USH2A: variants seen among roughly 807,000 people sequenced by gnomAD.
USH2A encodes the protein Usher syndrome 2A (autosomal recessive, mild).
In USH2A, 443 loss-of-function variants were observed where a neutral mutation model predicts 538.9. The ratio of observed to expected loss-of-function variants is 0.82; its 90% CI spans 0.76 to 0.89. The LOEUF is 0.89. Among genes scored for constraint, USH2A ranks in the 40% least tolerant of loss-of-function variants. The pLI, the probability that USH2A is intolerant of heterozygous loss-of-function variation, is 0.00. For synonymous variants in USH2A, 2,413 were observed against 2,273.5 expected (o/e 1.06, Z -1.75); for missense variants, 6,633 against 6,324.8 (o/e 1.05, Z -1.65).
At chr1:216,258,004 T>G (rs2036291618) in intron 11 of USH2A, among the ~76,000 whole-genome samples, 2 of 152,096 alleles carry the variant, frequency 1.3e-5, no homozygotes, top group South Asian at 4.1e-4. Flanking sequence ...CTAACATTTC[T>G]CACAATTCTG....
At chr1:215,678,996 C>A (rs192785093) in intron 62 of USH2A, among the ~76,000 whole-genome samples, 12 of 152,108 alleles carry the variant, frequency 7.9e-5, no homozygotes, top group African/African-American at 2.7e-4. Flanking sequence ...GCCTTGGGGC[C>A]GTGATTTGGA....
At chr1:215,973,573 T>C (rs1408322140) in intron 35 of USH2A, among the ~76,000 whole-genome samples, 1 of 152,064 alleles carries the variant, frequency 6.6e-6, no homozygotes, top group African/African-American at 2.4e-5. Context: ...TGACTGCACC[T>C]TACCAATTCT....
At chr1:216,361,863 A>C (rs748206497) in intron 4 of USH2A, among the ~76,000 whole-genome samples, 50 of 152,248 alleles carry the variant, frequency 3.3e-4, no homozygotes, top group Admixed American at 9.2e-4. Flanking sequence ...AGTGCTAAGC[A>C]AAAAGAACAC....
intron 29 of USH2A, chr1:216,072,533 T>C (rs754552785): frequency 8.5e-5 from 29 of 341,774 alleles, no homozygotes; most frequent in Non-Finnish European, 1.3e-4. Context: ...AGGATAATCC[T>C]AATCCCTGAC....
At chr1:216,144,411 C>T (rs1476891900) in intron 21 of USH2A, among the ~76,000 whole-genome samples, 1 of 150,968 alleles carries the variant, frequency 6.6e-6, no homozygotes. Context: ...ATATACAGAA[C>T]CAAGTTAAAC....
intron 31 of USH2A, among the ~76,000 whole-genome samples, chr1:216,047,961 A>C (rs2030594190): frequency 6.6e-6 from 1 of 152,176 alleles, no homozygotes. Context: ...GCTTTCTGAA[A>C]CCTTAATTTA....
At chr1:215,628,061 C>T (rs576165940) in intron 71 of USH2A, among the ~76,000 whole-genome samples, 25 of 152,214 alleles carry the variant, frequency 1.6e-4, no homozygotes, top group African/African-American at 5.1e-4. Flanking sequence ...TAGTAACACC[C>T]TCATTTGTCA....
intron 61 of USH2A, among the ~76,000 whole-genome samples, chr1:215,701,753 G>A (rs188690972): frequency 6.6e-6 from 1 of 152,034 alleles, no homozygotes; most frequent in Non-Finnish European, 1.5e-5. Context: ...CACACTGATG[G>A]GTCTTGTCTC....
intron 16 of USH2A, among the ~76,000 whole-genome samples, chr1:216,205,483 A>G (rs1452540545): frequency 2.0e-5 from 3 of 152,220 alleles, no homozygotes; most frequent in Non-Finnish European, 4.4e-5. Context: ...AGGGGTGGAC[A>G]TAAGAAACTA....
chr1:215,743,386 A>ATATATATATATATATATATATATATATG (rs878870284), intron 58 of USH2A, 51 bp from the exon 59 acceptor site: 1 of 310,006 alleles, frequency 3.2e-6, no homozygotes, highest in Non-Finnish European at 5.4e-6. Context: ...ATATATATAT[A>ATATATATATATATATATATATATATATG]TGTGTGTGTG....
intron 16 of USH2A, 104 bp downstream of exon 16, chr1:216,207,169 C>T (rs1161801412): frequency 7.2e-7 from 1 of 1,393,782 alleles, no homozygotes; most frequent in African/African-American, 1.4e-5. Context: ...CACTCTGTGC[C>T]AGACAGAGGA....
chr1:215,969,300 T>C (rs1227001613), intron 36 of USH2A, among the ~76,000 whole-genome samples: 1 of 152,168 alleles, frequency 6.6e-6, no homozygotes. Context: ...CATGGCAGAC[T>C]AGGTTTTACA....
chr1:216,224,089 C>A (rs903730054), intron 14 of USH2A, among the ~76,000 whole-genome samples: 12 of 152,136 alleles, frequency 7.9e-5, no homozygotes, highest in Admixed American at 7.9e-4. Context: ...ACCACTAACT[C>A]CTTAAGGCTT....
At chr1:215,717,831 G>GCT (rs1659529484) in intron 61 of USH2A, among the ~76,000 whole-genome samples, 2 of 152,156 alleles carry the variant, frequency 1.3e-5, no homozygotes, top group Non-Finnish European at 2.9e-5. Context: ...CTGATGTCCA[G>GCT]TGTAGGTAAA....
At chr1:215,784,901 C>G (rs1661750714) in intron 52 of USH2A, among the ~76,000 whole-genome samples, 1 of 152,136 alleles carries the variant, frequency 6.6e-6, no homozygotes, top group South Asian at 2.1e-4. Flanking sequence ...CCTTCAAAAT[C>G]TTGATCTTGA....
chr1:216,094,852 A>G (rs377229806), intron 22 of USH2A, among the ~76,000 whole-genome samples: 84 of 152,284 alleles, frequency 5.5e-4, no homozygotes, highest in African/African-American at 1.9e-3. Context: ...GGGGAAAATT[A>G]ACTTACCTGT....
At chr1:216,154,833 G>T (rs1558288031) in intron 21 of USH2A, among the ~76,000 whole-genome samples, 2 of 151,746 alleles carry the variant, frequency 1.3e-5, no homozygotes. Flanking sequence ...ACCTACTGAT[G>T]GATATTTGAG....
chr1:215,930,069 C>T (rs1666326029), intron 38 of USH2A, among the ~76,000 whole-genome samples: 1 of 151,936 alleles, frequency 6.6e-6, no homozygotes, highest in South Asian at 2.1e-4. Context: ...TAGTATTTTA[C>T]ACTGTTTGTA....
At chr1:215,657,115 C>T (rs1162054150) in intron 64 of USH2A, among the ~76,000 whole-genome samples, 4 of 152,230 alleles carry the variant, frequency 2.6e-5, no homozygotes, top group Non-Finnish European at 5.9e-5. Context: ...TCTTTCACTG[C>T]TGCTGATTTA....
Sources: gnomAD v4.1 joint callset for allele counts (sites outside exome capture counted in the v4.1 genomes callset) on GRCh38, gnomAD v4.1.1 for gene constraint, MANE v1.5 for transcripts, NCBI Gene and HGNC (gene_info 2026-07-23, HGNC 2026-07-21) for gene names.